The following U2AF2 variants were observed in gnomAD, a reference collection of about 807,000 sequenced individuals.
U2AF2 encodes the protein U2 small nuclear RNA auxiliary factor 2.
Under a neutral mutation model 52.6 loss-of-function variants are expected in U2AF2, and 6 were observed. The observed-to-expected ratio is 0.11, with a 90% CI of 0.06 to 0.23. The LOEUF (loss-of-function observed/expected upper bound fraction) is 0.23, where lower values mean the gene tolerates loss of function less well. Ranked by LOEUF, U2AF2 falls within the 10% of genes least tolerant of loss-of-function variation. The probability of loss-of-function intolerance (pLI) is 1.00; values close to 1 mark genes in which losing one functional copy is unlikely to be tolerated. For synonymous variants in U2AF2, 284 were observed against 258.2 expected (o/e 1.10, Z -0.96); for missense variants, 222 against 677.1 (o/e 0.33, Z 7.46).
chr19:55,668,868 T>G lies in U2AF2; in HGVS notation c.945+76T>G, dbSNP rs1984705677. ...GCTGTTGCCAAGCCATGGTCTCCCC[T>G]CCTCAGGGGACGGGGCGGGAGGCGG... On this transcript the variant is annotated intron_variant, in intron 9 of 11. Transcript: ENST00000308924. The surrounding 1 kb of genome is among the most constrained non-coding windows in gnomAD (Gnocchi z 5.5). 8 of 1,558,664 alleles carry G rather than the reference T, an allele frequency of 5.1e-6. No homozygotes were observed. In the Admixed American group the frequency reaches 1.2e-4, roughly 24 times the overall value.
In U2AF2 at chr19:55,668,908, T is replaced by C; in HGVS notation, c.945+116T>C. On this transcript the variant is annotated intron_variant, in intron 9 of 11. Coordinates refer to ENST00000308924, the MANE Select transcript of U2AF2 (RefSeq NM_007279.3). This position sits in a 1 kb window ranked among gnomAD's most constrained non-coding sequence, Gnocchi z 5.5. ...GCGGGAGGCGGCCAACCTGAGGCAG[T>C]GCCCTGTGTGTGGGCTCGTCCCTGT... 1 of 1,528,676 alleles carries C rather than the reference T, an allele frequency of 6.5e-7. No individual in the cohort carries two copies. Among genetic ancestry groups the C allele is most frequent in the Non-Finnish European group, 8.8e-7 (1 of 1,134,538 alleles). 94.7% of individuals were successfully genotyped at this position (1,528,676 alleles called of 1,614,324 possible). A position where few individuals can be genotyped will look rare whatever the true frequency, so the allele number is the denominator to read the frequency against.
At chr19:55,664,556 A>G (rs1984422019) in intron 7 of U2AF2, among the ~76,000 whole-genome samples, 1 of 152,162 alleles carries the variant, frequency 6.6e-6, no homozygotes. Context: ...GGCCTGGGAC[A>G]TGGAGGAGGT....
chr19:55,673,325 T>C (rs1985047236), intron 11 of U2AF2, among the ~76,000 whole-genome samples: 1 of 151,744 alleles, frequency 6.6e-6, no homozygotes, highest in Non-Finnish European at 1.5e-5. Flanking sequence ...ACTCCCTCTT[T>C]TTTTTTTTTG....
At chr19:55,662,675 CT>C in intron 6 of U2AF2, 57 bp downstream of exon 6, 1 of 1,491,678 alleles carries the variant, frequency 6.7e-7, no homozygotes, top group Non-Finnish European at 9.3e-7. Flanking sequence ...GGGCCCAGCC[CT>C]TAGGCTGATG....
chr19:55,660,047 C>T (rs1984066062), intron 2 of U2AF2, 130 bp from the exon 3 acceptor site: 3 of 725,966 alleles, frequency 4.1e-6, no homozygotes, highest in Non-Finnish European at 4.4e-6. Context: ...CCGAGGGTGG[C>T]CTGCTTGCTG....
At chr19:55,662,785 T>C (rs1984299693) in intron 6 of U2AF2, among the ~76,000 whole-genome samples, 167 bp downstream of exon 6, 1 of 152,080 alleles carries the variant, frequency 6.6e-6, no homozygotes, top group Non-Finnish European at 1.5e-5. Flanking sequence ...ACAGATCTGA[T>C]CCTACTTTCT....
chr19:55,670,468 CGTGCACCCTGCTGTCCG>C (rs1984834273), intron 11 of U2AF2, among the ~76,000 whole-genome samples: 1 of 107,344 alleles, frequency 9.3e-6, no homozygotes, highest in African/African-American at 3.9e-5. Flanking sequence ...CCTGCTGTCC[CGTGCACCCTGCTGTCCG>C]TGCACCCTGC....
In U2AF2 at chr19:55,663,599, C is replaced by G. The variant is rs769142943; in HGVS notation, c.604-7C>G. On this transcript the variant is annotated splice_polypyrimidine_tract_variant and splice_region_variant and intron_variant, in intron 6 of 11. Coordinates refer to ENST00000308924, the MANE Select transcript of U2AF2 (RefSeq NM_007279.3). ...CATCCCTCACCACTCCTTTCTCTTTCATTCAGTTCCGCTCAGTGGACGAGA... is the reference window on the plus strand; with the variant it reads ...CATCCCTCACCACTCCTTTCTCTTTGATTCAGTTCCGCTCAGTGGACGAGA... The G allele has an allele frequency of 6.2e-7, 1 of 1,613,186 alleles. No homozygotes were observed. Among genetic ancestry groups the G allele is most frequent in the Non-Finnish European group, 8.5e-7 (1 of 1,179,304 alleles).
chr19:55,661,301 C>T (rs1984173703), intron 5 of U2AF2, 112 bp downstream of exon 5: 7 of 1,159,504 alleles, frequency 6.0e-6, no homozygotes, highest in South Asian at 2.1e-5. Context: ...TCCTGCAAGA[C>T]CCCCCGGCCC....
In U2AF2 at chr19:55,669,427, C is replaced by T. The variant is rs1265820765; in HGVS notation, c.1045-17C>T. The T allele has an allele frequency of 2.5e-6, 4 of 1,580,818 alleles. No homozygotes were observed. The highest frequency in any genetic ancestry group is 4.5e-5 in the East Asian group (2 of 44,500). ...TCTGGGCCCCCTGTGACGCCGCTGC[C>T]TCCCCTGGCCCCACAGAGCACCATC... On this transcript the variant is annotated splice_polypyrimidine_tract_variant and intron_variant, in intron 10 of 11. Transcript: ENST00000308924.
intron 1 of U2AF2, among the ~76,000 whole-genome samples, chr19:55,656,990 C>G (rs1983836017): frequency 6.6e-6 from 1 of 152,186 alleles, no homozygotes; most frequent in Non-Finnish European, 1.5e-5. Context: ...AAGAGAAAAC[C>G]AAGTCTTAAA....
intron 7 of U2AF2, among the ~76,000 whole-genome samples, chr19:55,665,188 A>C (rs528029716): frequency 6.6e-6 from 1 of 152,164 alleles, no homozygotes; most frequent in East Asian, 1.9e-4. Flanking sequence ...CTGCGTTTTC[A>C]TTCATTTTAA....
intron 1 of U2AF2, among the ~76,000 whole-genome samples, chr19:55,655,756 C>T (rs1307167502): frequency 2.0e-5 from 3 of 152,248 alleles, no homozygotes; most frequent in South Asian, 4.1e-4. Context: ...CAGGTGGTTT[C>T]TGCCCCGTCT....
intron 7 of U2AF2, 129 bp downstream of exon 7, chr19:55,663,873 C>G (rs764250900): frequency 1.4e-6 from 2 of 1,406,998 alleles, no homozygotes; most frequent in Admixed American, 4.3e-5. Flanking sequence ...TGCCTTTTCC[C>G]TGCTTCCCCT....
At chr19:55,669,031 C>A in intron 9 of U2AF2, 52 bp from the exon 10 acceptor site, 1 of 1,588,106 alleles carries the variant, frequency 6.3e-7, no homozygotes, top group Non-Finnish European at 8.6e-7. Context: ...GGCTCCTGGT[C>A]CCTGACCCCA....
At chr19:55,661,674 C>A in intron 5 of U2AF2, 1 of 160,508 alleles carries the variant, frequency 6.2e-6, no homozygotes, top group Non-Finnish European at 1.4e-5. Flanking sequence ...TCCCCCTTCC[C>A]CACCACTCCT....
At position 55,659,354 on chromosome 19, in the gene U2AF2, G is replaced by T. The variant is rs776891867; in HGVS notation, c.185+9G>T. On this transcript the variant is annotated intron_variant, in intron 2 of 11. Coordinates refer to ENST00000308924, the MANE Select transcript of U2AF2 (RefSeq NM_007279.3). Reference sequence around the variant, plus strand: ...GACAGGCGACGACGCAGGTACTAGGGCTCAGGGATCCCCTGGGCCAGCCTG... The same window carrying T: ...GACAGGCGACGACGCAGGTACTAGGTCTCAGGGATCCCCTGGGCCAGCCTG... The T allele has an allele frequency of 6.7e-7, 1 of 1,494,136 alleles. No homozygotes were observed. Among genetic ancestry groups the T allele is most frequent in the Admixed American group, 2.3e-5 (1 of 43,664 alleles). 92.6% of individuals were successfully genotyped at this position (1,494,136 alleles called of 1,614,324 possible).
In U2AF2 at chr19:55,668,925, C is replaced by T. The variant is rs1984709542; in HGVS notation, c.945+133C>T. ...TGAGGCAGTGCCCTGTGTGTGGGCT[C>T]GTCCCTGTCCCATGGCGTTGGCTTT... On this transcript the variant is annotated intron_variant, in intron 9 of 11. Transcript: ENST00000308924. This position sits in a 1 kb window ranked among gnomAD's most constrained non-coding sequence, Gnocchi z 5.5. The T allele has an allele frequency of 6.0e-6, 9 of 1,504,940 alleles. No individual in the cohort carries two copies. The highest frequency in any genetic ancestry group is 8.0e-6 in the Non-Finnish European group (9 of 1,118,926). 93.2% of individuals were successfully genotyped at this position (1,504,940 alleles called of 1,614,324 possible).
chr19:55,672,026 G>T (rs1374725402), intron 11 of U2AF2: 1 of 151,936 alleles, frequency 6.6e-6, no homozygotes, highest in African/African-American at 2.4e-5. Context: ...CTACTCAGGA[G>T]TCTGAGGCAG....
Sources: allele counts gnomAD v4.1 joint callset (sites outside exome capture counted in the v4.1 genomes callset), GRCh38; gene constraint gnomAD v4.1.1; non-coding constraint Gnocchi (gnomAD v3.1); transcripts MANE v1.5; gene names NCBI Gene and HGNC (gene_info 2026-07-23, HGNC 2026-07-21).